ARPP21: variants seen among roughly 807,000 people sequenced by gnomAD.
ARPP21 encodes the protein cAMP regulated phosphoprotein 21, also known as cAMP-regulated phosphoprotein 21.
Under a neutral mutation model 113.2 loss-of-function variants are expected in ARPP21, and 69 were observed. The observed-to-expected ratio is 0.61, with a 90% CI of 0.50 to 0.74. The LOEUF is 0.74. Among genes scored for constraint, ARPP21 ranks in the 30% least tolerant of loss-of-function variants. ARPP21 has a pLI of 0.00. For synonymous variants in ARPP21, 368 were observed against 375.5 expected (o/e 0.98, Z 0.23); for missense variants, 1,070 against 1,037.4 (o/e 1.03, Z -0.43).
chr3:35,737,281 A>G lies in ARPP21; in HGVS notation c.1563A>G (p.Pro521=), dbSNP rs2278757. 762,295 of 1,611,002 alleles carry G rather than the reference A, an allele frequency of 0.47. 185,435 individuals carry two copies. The highest frequency in any genetic ancestry group is 0.59 in the African/African-American group (43,839 of 74,906). The change falls in exon 16 of 21, where the codon CCA becomes CCG. Residue 521 remains proline, a synonymous_variant. Transcript: ENST00000684406. ...SAMVGQSQQQ[P]PQQQPSPQPQ... ...TGGTGGGGCAGTCCCAACAGCAGCC[A>G]CCACAGCAGCAGCCCTCCCCGCAGC...
chr3:35,687,937 C>A (rs1211254893), intron 6 of ARPP21, 54 bp downstream of exon 6: 2 of 1,508,016 alleles, frequency 1.3e-6, no homozygotes, highest in Non-Finnish European at 1.8e-6. Flanking sequence ...CACATAGTCA[C>A]AGAACACATT....
At chr3:35,744,758 C>T (rs918421981) in intron 19 of ARPP21, among the ~76,000 whole-genome samples, 2 of 152,124 alleles carry the variant, frequency 1.3e-5, no homozygotes, top group African/African-American at 4.8e-5. Context: ...CTCCTTGCTG[C>T]TACTCATAGA....
intron 19 of ARPP21, among the ~76,000 whole-genome samples, chr3:35,772,358 C>A (rs1186326028): frequency 6.6e-6 from 1 of 152,160 alleles, no homozygotes; most frequent in Admixed American, 6.5e-5. Context: ...CAAAAGAAAT[C>A]TTAAACAGAT....
At position 35,640,187 on chromosome 3, in the gene ARPP21, C is replaced by T. The variant is rs1697585926; in HGVS notation, c.-424C>T. 6.6e-6 allele frequency: 1 copy of T among 152,268 alleles called. No individual in the cohort carries two copies. Among genetic ancestry groups the T allele is most frequent in the Non-Finnish European group, 1.5e-5 (1 of 68,114 alleles). 9.4% of individuals were successfully genotyped at this position (152,268 alleles called of 1,614,324 possible). On this transcript the variant is annotated 5_prime_UTR_variant, in exon 1 of 21. Transcript: ENST00000684406. ...GGATCCCAGCCGACACTGCAGAAAG[C>T]TCCTTTTACTAGCAGTTAAATAAAT...
chr3:35,697,022 T>A (rs928192429), intron 9 of ARPP21, among the ~76,000 whole-genome samples: 4 of 151,572 alleles, frequency 2.6e-5, no homozygotes, highest in African/African-American at 9.7e-5. Context: ...CTAGAAACCA[T>A]CCTCTTGCAC....
intron 10 of ARPP21, 39 bp from the exon 11 acceptor site, chr3:35,708,930 C>T (rs757846009): frequency 7.0e-7 from 1 of 1,432,602 alleles, no homozygotes; most frequent in Admixed American, 1.7e-5. Flanking sequence ...TCTAACAACG[C>T]AACTTGGATA....
At chr3:35,656,934 C>A (rs1196394372) in intron 1 of ARPP21, among the ~76,000 whole-genome samples, 5 of 151,882 alleles carry the variant, frequency 3.3e-5, no homozygotes, top group African/African-American at 1.2e-4. Context: ...TTATTTCAAA[C>A]AAAATAGATA....
intron 1 of ARPP21, chr3:35,641,115 G>GC (rs1477330162): frequency 6.6e-6 from 1 of 152,100 alleles, no homozygotes; most frequent in African/African-American, 2.4e-5. Context: ...ATAGGGGTGG[G>GC]CAGTTATATT....
chr3:35,649,648 T>G lies in ARPP21; in HGVS notation c.-213+9250T>G, dbSNP rs192899801. ...AAAGAACTAAGCAAGTAGGCAGTGC[T>G]GAATTAGAAGGCAGGGGTGAGGGAC... On this transcript the variant is annotated intron_variant, in intron 1 of 20. Transcript: ENST00000684406. Among the ~76,000 whole-genome samples, 491 of 152,230 alleles carry G rather than the reference T, an allele frequency of 3.2e-3. 2 individuals carry two copies. The highest frequency in any genetic ancestry group is 0.011 in the African/African-American group (477 of 41,548).
chr3:35,644,008 G>T (rs1262896760), intron 1 of ARPP21, among the ~76,000 whole-genome samples: 1 of 151,888 alleles, frequency 6.6e-6, no homozygotes. Context: ...TTAGACAAAG[G>T]ATCTTTATGA....
chr3:35,748,074 GAAAGA>G (rs1559837137), intron 19 of ARPP21, among the ~76,000 whole-genome samples: 5 of 105,694 alleles, frequency 4.7e-5, no homozygotes, highest in East Asian at 5.6e-4. Context: ...AAGGAAGAAA[GAAAGA>G]AAGAAAGAAA....
chr3:35,792,892 A>G (rs566937519), intron 20 of ARPP21, among the ~76,000 whole-genome samples: 1 of 152,318 alleles, frequency 6.6e-6, no homozygotes, highest in Non-Finnish European at 1.5e-5. Context: ...ACACACCCAA[A>G]TAAACTTCAT....
chr3:35,790,869 A>G (rs1377968424), intron 19 of ARPP21, among the ~76,000 whole-genome samples: 1 of 152,238 alleles, frequency 6.6e-6, no homozygotes, highest in Admixed American at 6.5e-5. Flanking sequence ...TAGGGTAATA[A>G]GAATGTAAAA....
intron 11 of ARPP21, among the ~76,000 whole-genome samples, chr3:35,712,604 T>C (rs2091510783): frequency 6.6e-6 from 1 of 150,656 alleles, no homozygotes; most frequent in African/African-American, 2.4e-5. Flanking sequence ...GTGTGTGCTT[T>C]TGTATACAGG....
chr3:35,700,781 A>G (rs1342513204), intron 9 of ARPP21, among the ~76,000 whole-genome samples: 1 of 151,770 alleles, frequency 6.6e-6, no homozygotes, highest in African/African-American at 2.4e-5. Flanking sequence ...ACACTAGATT[A>G]TTTGTTTATA....
intron 1 of ARPP21, among the ~76,000 whole-genome samples, chr3:35,660,085 G>A (rs754583511): frequency 7.9e-5 from 12 of 152,194 alleles, no homozygotes; most frequent in Non-Finnish European, 1.6e-4. Context: ...ATCCTTCTCA[G>A]GGATTCTCAG....
intron 14 of ARPP21, among the ~76,000 whole-genome samples, chr3:35,724,991 A>G (rs145739417): frequency 6.6e-4 from 101 of 152,352 alleles, no homozygotes; most frequent in Middle Eastern, 6.8e-3. Context: ...GCAAAAGAGA[A>G]TGTATTCATT....
intron 11 of ARPP21, among the ~76,000 whole-genome samples, chr3:35,709,797 C>T (rs2090458737): frequency 6.6e-6 from 1 of 152,194 alleles, no homozygotes; most frequent in South Asian, 2.1e-4. Flanking sequence ...GCAGCCTCCT[C>T]AAATGATGTG....
At chr3:35,780,853 C>T (rs1381502084) in intron 19 of ARPP21, among the ~76,000 whole-genome samples, 5 of 152,100 alleles carry the variant, frequency 3.3e-5, no homozygotes, top group Admixed American at 6.5e-5. Context: ...CCAGGAACAA[C>T]GTATTTCAGC....
Sources: gnomAD v4.1 joint callset for allele counts (sites outside exome capture counted in the v4.1 genomes callset) on GRCh38, gnomAD v4.1.1 for gene constraint, MANE v1.5 for transcripts, NCBI Gene and HGNC (gene_info 2026-07-23, HGNC 2026-07-21) for gene names.